Variants in CFAP77 observed in about 807,000 individuals in gnomAD.
CFAP77 encodes the protein cilia and flagella associated protein 77.
CFAP77 carries 25 observed loss-of-function variants against 31.1 expected under a neutral mutation model. The ratio of observed to expected loss-of-function variants is 0.80; its 90% confidence interval spans 0.59 to 1.12. The LOEUF is 1.12. Among genes scored for constraint, CFAP77 ranks in the 50% most tolerant of loss-of-function variants. The pLI is 0.00. For synonymous variants in CFAP77, 151 were observed against 159.9 expected (o/e 0.94, Z 0.42); for missense variants, 377 against 397.3 (o/e 0.95, Z 0.44).
chr9:132,420,450 C>G (rs534730379), intron 1 of CFAP77, among the ~76,000 whole-genome samples: 42 of 150,652 alleles, frequency 2.8e-4, no homozygotes, highest in Non-Finnish European at 5.0e-4. Context: ...GCCAGGAGTT[C>G]GAGACCAGCC....
intron 1 of CFAP77, among the ~76,000 whole-genome samples, chr9:132,414,078 C>T (rs1193539348): frequency 1.3e-5 from 2 of 152,200 alleles, no homozygotes; most frequent in African/African-American, 4.8e-5. Context: ...TGGCTTCCAG[C>T]CCCACGTTCT....
At chr9:132,417,062 T>C (rs1850115274) in intron 1 of CFAP77, among the ~76,000 whole-genome samples, 1 of 152,116 alleles carries the variant, frequency 6.6e-6, no homozygotes, top group African/African-American at 2.4e-5. Flanking sequence ...GACCACAGTA[T>C]AAATGAGGAG....
At chr9:132,486,192 G>T (rs1252398365) in intron 1 of CFAP77, among the ~76,000 whole-genome samples, 1 of 142,712 alleles carries the variant, frequency 7.0e-6, no homozygotes, top group African/African-American at 2.6e-5. Context: ...TCCCGGGTTC[G>T]TGCCGTTCTC....
rs963568263 is a variant in CFAP77 at position 132,495,136 on chromosome 9, CA to C, written c.196-3555del. ...CAGAGGGCTTAGCGCTGAGTGGGTA[CA>C]AAATAAATATTTGTGGAATGAAAGT... On this transcript the variant is annotated intron_variant, in intron 1 of 5. Transcript: ENST00000393216. The surrounding 1 kb of genome is among the most constrained non-coding windows in gnomAD (Gnocchi z 4.2). Among the ~76,000 whole-genome samples, 3 of 151,796 alleles carry C rather than the reference CA, an allele frequency of 2.0e-5. No individual in the cohort carries two copies. The highest frequency in any genetic ancestry group is 7.3e-5 in the African/African-American group (3 of 41,308).
intron 1 of CFAP77, among the ~76,000 whole-genome samples, chr9:132,451,227 A>T (rs1005749899): frequency 9.2e-5 from 14 of 152,004 alleles, no homozygotes; most frequent in Middle Eastern, 3.2e-3. Context: ...AATCCCAGCC[A>T]CTTGGGAGGC....
intron 3 of CFAP77, among the ~76,000 whole-genome samples, chr9:132,515,012 C>A (rs1852121565): frequency 1.3e-5 from 2 of 152,114 alleles, no homozygotes; most frequent in Non-Finnish European, 2.9e-5. Context: ...CGGGGGCCAG[C>A]AAGTGGAGGG....
chr9:132,497,155 G>A lies in CFAP77; in HGVS notation c.196-1540G>A, dbSNP rs538105094. Among the ~76,000 whole-genome samples, 1 of 152,252 alleles carries A rather than the reference G, an allele frequency of 6.6e-6. No homozygotes were observed. The highest frequency in any genetic ancestry group is 2.1e-4 in the South Asian group (1 of 4,820). On this transcript the variant is annotated intron_variant, in intron 1 of 5. Transcript: ENST00000393216. This position sits in a 1 kb window ranked among gnomAD's most constrained non-coding sequence, Gnocchi z 4.9. ...TCTATCTCAACAGGGGGTGCTGTGG[G>A]GGAGCCTGGGAGGCAAAGCTGCAGG...
chr9:132,420,710 A>C (rs901002135), intron 1 of CFAP77, among the ~76,000 whole-genome samples: 1 of 152,050 alleles, frequency 6.6e-6, no homozygotes, highest in African/African-American at 2.4e-5. Context: ...CTATGATTCT[A>C]TGCATTCATT....
chr9:132,441,640 C>A (rs915553479), intron 1 of CFAP77, among the ~76,000 whole-genome samples: 8 of 152,192 alleles, frequency 5.3e-5, no homozygotes, highest in Admixed American at 3.3e-4. Flanking sequence ...TGCCAATTAC[C>A]TTAATCATCC....
intron 1 of CFAP77, among the ~76,000 whole-genome samples, chr9:132,494,877 C>T (rs1055854747): frequency 2.6e-5 from 4 of 152,190 alleles, no homozygotes; most frequent in Non-Finnish European, 5.9e-5. Context: ...CTATCTGCCT[C>T]TTTCTTATTG....
At position 132,555,380 on chromosome 9, in the gene CFAP77, C is replaced by T. The variant is rs75541524; in HGVS notation, c.732+12333C>T. Reference sequence around the variant, plus strand: ...AAACATCTGAGTGTGTCCCCAGCTTCCCTGGCAGTAACTCAGAAGTTGTTC... The same window carrying T: ...AAACATCTGAGTGTGTCCCCAGCTTTCCTGGCAGTAACTCAGAAGTTGTTC... On this transcript the variant is annotated intron_variant, in intron 5 of 5. Transcript: ENST00000393216. Among the ~76,000 whole-genome samples, 1,387 of 152,320 alleles carry T rather than the reference C, an allele frequency of 9.1e-3. 17 individuals carry two copies. The highest frequency in any genetic ancestry group is 0.032 in the African/African-American group (1,326 of 41,576).
intron 1 of CFAP77, among the ~76,000 whole-genome samples, chr9:132,493,609 C>T (rs1436252766): frequency 6.6e-6 from 1 of 152,186 alleles, no homozygotes; most frequent in Non-Finnish European, 1.5e-5. Flanking sequence ...GGGTCAACAA[C>T]ATCATGACAC....
intron 3 of CFAP77, among the ~76,000 whole-genome samples, chr9:132,513,587 A>G (rs1024825565): frequency 3.9e-5 from 6 of 152,298 alleles, no homozygotes; most frequent in Non-Finnish European, 8.8e-5. Flanking sequence ...CACTCTGCAC[A>G]TGACTCGCTC....
intron 1 of CFAP77, among the ~76,000 whole-genome samples, chr9:132,429,680 T>TA (rs1196170959): frequency 7.8e-6 from 1 of 127,770 alleles, no homozygotes; most frequent in African/African-American, 3.0e-5. Context: ...CCGTCTCTAC[T>TA]AACAAAATAC....
At chr9:132,482,227 C>A in intron 1 of CFAP77, 2 of 708,276 alleles carry the variant, frequency 2.8e-6, no homozygotes, top group Non-Finnish European at 2.3e-6. Flanking sequence ...TTTCTTAAAT[C>A]TGCTCACTCA....
intron 1 of CFAP77, among the ~76,000 whole-genome samples, chr9:132,433,473 C>T (rs768393172): frequency 2.0e-5 from 3 of 152,172 alleles, no homozygotes; most frequent in Non-Finnish European, 4.4e-5. Flanking sequence ...TGTGGGCAGA[C>T]TGCCCTCCAC....
intron 1 of CFAP77, among the ~76,000 whole-genome samples, chr9:132,459,613 GTGTA>G (rs1851004597): frequency 6.6e-6 from 1 of 151,590 alleles, no homozygotes; most frequent in African/African-American, 2.4e-5. Flanking sequence ...GTATATGTGT[GTGTA>G]TGTATATGTG....
chr9:132,448,597 G>C (rs1850767601), intron 1 of CFAP77, among the ~76,000 whole-genome samples: 2 of 152,016 alleles, frequency 1.3e-5, no homozygotes, highest in African/African-American at 4.8e-5. Context: ...TTTTGTTTTT[G>C]CTTTTTGAGA....
At chr9:132,471,285 C>T (rs1851250434) in intron 1 of CFAP77, among the ~76,000 whole-genome samples, 1 of 152,132 alleles carries the variant, frequency 6.6e-6, no homozygotes, top group African/African-American at 2.4e-5. Context: ...GAGAAGGTCC[C>T]GTAGAATAAT....
Sources: allele counts gnomAD v4.1 joint callset (sites outside exome capture counted in the v4.1 genomes callset), GRCh38; gene constraint gnomAD v4.1.1; non-coding constraint Gnocchi (gnomAD v3.1); transcripts MANE v1.5; gene names NCBI Gene and HGNC (gene_info 2026-07-23, HGNC 2026-07-21).